The following DGKI variants were observed in gnomAD, a reference collection of about 807,000 sequenced individuals.
DGKI encodes the protein DAG kinase iota.
A neutral mutation model predicts 147.5 loss-of-function variants in DGKI; 55 were observed. The observed-to-expected ratio is 0.37, with a 90% CI of 0.30 to 0.47. DGKI has a LOEUF of 0.47. DGKI is among the 20% of genes least tolerant of loss of function. DGKI has a pLI of 1.00. For synonymous variants in DGKI, 469 were observed against 477.1 expected, an observed-to-expected ratio of 0.98 and a Z score of 0.22; for missense variants, 1,007 against 1,323.8, an observed-to-expected ratio of 0.76 and a Z score of 3.71.
At chr7:137,395,965 T>C (rs74372823) in intron 31 of DGKI, 13,410 of 442,058 alleles carry the variant, frequency 0.03, 292 homozygotes, top group Non-Finnish European at 0.037. Context: ...TACTACTATT[T>C]GATTTAGGTG....
In DGKI at chr7:137,724,839, T is replaced by C. The variant is rs116990694; in HGVS notation, c.402-34837A>G. 3.4e-3 allele frequency among the ~76,000 whole-genome samples: 511 copies of C among 152,250 alleles called. 3 individuals are homozygous for C. Among genetic ancestry groups the C allele is most frequent in the Admixed American group, 3.9e-3 (59 of 15,280 alleles). On this transcript the variant is annotated intron_variant, in intron 1 of 32. Coordinates refer to ENST00000614521, the MANE Select transcript of DGKI (RefSeq NM_001321708.2). The stretch of plus-strand genomic sequence containing the variant: ...ACATCTGCAGCATATAAATGGTATA[T>C]AAAGTTACAGGAACAGATGAAAGCC...
intron 28 of DGKI, among the ~76,000 whole-genome samples, chr7:137,423,099 T>A (rs1454770208): frequency 6.6e-6 from 1 of 152,244 alleles, no homozygotes; most frequent in East Asian, 1.9e-4. Flanking sequence ...TTAGATTGTC[T>A]AACTTTGTTT....
At chr7:137,817,511 C>T (rs1207918162) in intron 1 of DGKI, among the ~76,000 whole-genome samples, 3 of 152,186 alleles carry the variant, frequency 2.0e-5, no homozygotes, top group Non-Finnish European at 4.4e-5. Context: ...ACATACTCTT[C>T]AATGAGTACT....
At chr7:137,458,612 A>T (rs1814298452) in intron 27 of DGKI, among the ~76,000 whole-genome samples, 1 of 152,226 alleles carries the variant, frequency 6.6e-6, no homozygotes, top group Non-Finnish European at 1.5e-5. Flanking sequence ...GAGGTGAGTC[A>T]GTCCTTTTCT....
intron 2 of DGKI, among the ~76,000 whole-genome samples, chr7:137,683,221 G>T (rs1823300902): frequency 6.6e-6 from 1 of 151,686 alleles, no homozygotes; most frequent in Admixed American, 6.6e-5. Context: ...AGCCATGATT[G>T]TGCCTCTCCC....
intron 1 of DGKI, among the ~76,000 whole-genome samples, chr7:137,708,055 C>T (rs888635949): frequency 2.0e-5 from 3 of 152,164 alleles, no homozygotes; most frequent in East Asian, 1.9e-4. Flanking sequence ...AAACTTTCTG[C>T]GAACCAGAAC....
rs71177914 is a variant in DGKI at position 137,596,001 on chromosome 7, CAAAAAAAAAAAAAAAAA to C, written c.1311+1829_1311+1845del. 1.1e-3 allele frequency among the ~76,000 whole-genome samples: 50 copies of C among 44,406 alleles called. 1 individual carries two copies. The highest frequency in any genetic ancestry group is 1.3e-3 in the Non-Finnish European group (35 of 25,976). 29.1% of individuals were successfully genotyped at this position (44,406 alleles called of 152,430 possible). On this transcript the variant is annotated intron_variant, in intron 12 of 32. Coordinates refer to ENST00000614521, the MANE Select transcript of DGKI (RefSeq NM_001321708.2). ...TGGGCAACAGAGTGAGACTCCGTCT[CAAAAAAAAAAAAAAAAA>C]AAAAAAAAAAAAAAAGAAAGAAAGA...
chr7:137,540,936 C>A (rs1410050444), intron 20 of DGKI, among the ~76,000 whole-genome samples: 2 of 151,988 alleles, frequency 1.3e-5, no homozygotes, highest in Non-Finnish European at 2.9e-5. Flanking sequence ...AGAGTCTCAA[C>A]ACAGTAAAGA....
At chr7:137,562,351 C>T (rs1344798497) in intron 19 of DGKI, among the ~76,000 whole-genome samples, 1 of 152,152 alleles carries the variant, frequency 6.6e-6, no homozygotes, top group Admixed American at 6.5e-5. Flanking sequence ...GCCTGGCCAA[C>T]ATGGTGAAAC....
intron 3 of DGKI, among the ~76,000 whole-genome samples, chr7:137,661,243 C>G (rs1335783814): frequency 6.6e-6 from 1 of 152,100 alleles, no homozygotes; most frequent in African/African-American, 2.4e-5. Context: ...AGCATGGCAA[C>G]CGGTTCTTAG....
chr7:137,492,295 A>G (rs183310935), intron 21 of DGKI, among the ~76,000 whole-genome samples: 1 of 152,358 alleles, frequency 6.6e-6, no homozygotes, highest in African/African-American at 2.4e-5. Context: ...CAGGCAAGAT[A>G]GCTGAACAGA....
intron 6 of DGKI, among the ~76,000 whole-genome samples, chr7:137,642,687 G>T (rs1330628881): frequency 1.3e-5 from 2 of 152,064 alleles, no homozygotes; most frequent in Non-Finnish European, 2.9e-5. Context: ...TATCTCATCT[G>T]ATCTCTGTTA....
chr7:137,577,390 C>G (rs999812580), intron 16 of DGKI, 106 bp from the exon 17 acceptor site: 23 of 784,576 alleles, frequency 2.9e-5, no homozygotes, highest in Admixed American at 2.7e-4. Context: ...TGCAAAAATT[C>G]TAAACATGTT....
intron 5 of DGKI, among the ~76,000 whole-genome samples, chr7:137,650,259 T>G (rs1821977650): frequency 6.6e-6 from 1 of 152,164 alleles, no homozygotes; most frequent in Non-Finnish European, 1.5e-5. Context: ...ACTCTGTGTT[T>G]TGGTGCAATT....
chr7:137,615,909 C>T (rs1203294927), intron 8 of DGKI, among the ~76,000 whole-genome samples: 2 of 151,946 alleles, frequency 1.3e-5, no homozygotes, highest in East Asian at 1.9e-4. Context: ...TATTACGGGC[C>T]CAGGTGGTAT....
chr7:137,715,686 A>G (rs1794354501), intron 1 of DGKI, among the ~76,000 whole-genome samples: 2 of 152,230 alleles, frequency 1.3e-5, no homozygotes, highest in Admixed American at 6.5e-5. Context: ...AAATGAACAA[A>G]GGGTGTGCAA....
At chr7:137,419,421 T>C (rs1464947298) in intron 28 of DGKI, among the ~76,000 whole-genome samples, 1 of 152,246 alleles carries the variant, frequency 6.6e-6, no homozygotes, top group Non-Finnish European at 1.5e-5. Context: ...CTCTCTGAGA[T>C]ACATATTTCT....
rs868436616 is a variant in DGKI at position 137,463,031 on chromosome 7, C to T, written c.2735+458G>A. On this transcript the variant is annotated intron_variant, in intron 27 of 32. Coordinates refer to ENST00000614521, the MANE Select transcript of DGKI (RefSeq NM_001321708.2). ...CACCCAGCTTTAGCCAACAAACCCA[C>T]GTGGCAATATTGGGTACAGCACACA... is the stretch of plus-strand genomic sequence containing the variant. Among the ~76,000 whole-genome samples the T allele has an allele frequency of 2.6e-5, 4 of 152,134 alleles. No individual in the cohort carries two copies. The South Asian group carries it at 8.3e-4, about 32-fold the overall frequency.
intron 1 of DGKI, among the ~76,000 whole-genome samples, chr7:137,728,120 G>A (rs925958355): frequency 1.3e-5 from 2 of 152,150 alleles, no homozygotes; most frequent in African/African-American, 4.8e-5. Flanking sequence ...CAGAATGTCT[G>A]GTCAATAAAT....
Sources: allele counts gnomAD v4.1 joint callset (sites outside exome capture counted in the v4.1 genomes callset), GRCh38; gene constraint gnomAD v4.1.1; transcripts MANE v1.5; gene names NCBI Gene and HGNC (gene_info 2026-07-23, HGNC 2026-07-21).